RERE: variants seen among roughly 807,000 people sequenced by gnomAD.
The protein encoded by RERE is arginine-glutamic acid dipeptide repeats.
A neutral mutation model predicts 146.1 loss-of-function variants in RERE; 40 were observed. That is an observed-to-expected ratio of 0.27 (90% CI 0.21 to 0.36). RERE has a LOEUF of 0.36. Among genes scored for constraint, RERE ranks in the 10% least tolerant of loss-of-function variants. The pLI is 1.00. For synonymous variants in RERE, 1,003 were observed against 866.0 expected (o/e 1.16, Z -2.78); for missense variants, 1,933 against 2,138.7 (o/e 0.90, Z 1.90).
At chr1:8,394,435 A>G (rs998694630) in intron 12 of RERE, among the ~76,000 whole-genome samples, 2 of 152,214 alleles carry the variant, frequency 1.3e-5, no homozygotes, top group Admixed American at 6.5e-5. Flanking sequence ...ATTAATTCTC[A>G]CTACTGTCCT....
intron 1 of RERE, among the ~76,000 whole-genome samples, chr1:8,663,901 T>C (rs1325898737): frequency 6.6e-6 from 1 of 152,096 alleles, no homozygotes; most frequent in African/African-American, 2.4e-5. Flanking sequence ...TTTGTCTGTG[T>C]ACCTTCTACT....
At chr1:8,800,585 A>G (rs1641568938) in intron 1 of RERE, among the ~76,000 whole-genome samples, 1 of 152,124 alleles carries the variant, frequency 6.6e-6, no homozygotes, top group African/African-American at 2.4e-5. Context: ...CAGGAGGATC[A>G]CTTGAGCCCA....
intron 6 of RERE, among the ~76,000 whole-genome samples, chr1:8,555,468 T>C (rs1313135666): frequency 2.0e-5 from 3 of 152,204 alleles, no homozygotes; most frequent in African/African-American, 4.8e-5. Context: ...TTTAGCTATG[T>C]AGCTTTGCAA....
At chr1:8,529,540 TC>T (rs1645615388) in intron 7 of RERE, among the ~76,000 whole-genome samples, 1 of 151,494 alleles carries the variant, frequency 6.6e-6, no homozygotes, top group African/African-American at 2.4e-5. Context: ...GACCTCGTGA[TC>T]CTCCCGCCTC....
chr1:8,358,933 A>G lies in RERE; in HGVS notation c.3619-17T>C. ...GGACGCCTTCTGCAGAAGGAAAAGA[A>G]AGCGTGAGGGGTCCCCCGAGCGCCT... On this transcript the variant is annotated splice_polypyrimidine_tract_variant and intron_variant, in intron 19 of 22. Transcript: ENST00000400908. 1 of 1,508,320 alleles carries G rather than the reference A, an allele frequency of 6.6e-7. No individual in the cohort carries two copies. The highest frequency in any genetic ancestry group is 8.8e-7 in the Non-Finnish European group (1 of 1,133,652). 93.4% of individuals were successfully genotyped at this position (1,508,320 alleles called of 1,614,324 possible).
intron 1 of RERE, among the ~76,000 whole-genome samples, chr1:8,724,272 G>T (rs1314715762): frequency 1.3e-5 from 2 of 151,916 alleles, no homozygotes; most frequent in Admixed American, 1.3e-4. Context: ...TGGCTCAGGG[G>T]TTGGCAAAAA....
intron 12 of RERE, among the ~76,000 whole-genome samples, chr1:8,382,898 C>T (rs576220148): frequency 9.2e-5 from 14 of 151,890 alleles, no homozygotes; most frequent in Non-Finnish European, 1.0e-4. Context: ...AAGGAGCCGG[C>T]ACACATGCTC....
At chr1:8,676,868 T>C (rs1298401969) in intron 1 of RERE, among the ~76,000 whole-genome samples, 1 of 152,220 alleles carries the variant, frequency 6.6e-6, no homozygotes, top group Non-Finnish European at 1.5e-5. Context: ...TCCTGCTCTC[T>C]GCAAATGCCA....
intron 11 of RERE, among the ~76,000 whole-genome samples, chr1:8,456,271 T>A (rs1644452226): frequency 6.6e-6 from 1 of 152,196 alleles, no homozygotes; most frequent in South Asian, 2.1e-4. Flanking sequence ...CTTCCTGAAT[T>A]AAAATTTGTC....
chr1:8,389,305 G>C (rs1479999300), intron 12 of RERE, among the ~76,000 whole-genome samples: 1 of 152,172 alleles, frequency 6.6e-6, no homozygotes, highest in Non-Finnish European at 1.5e-5. Flanking sequence ...TCATGTCTGT[G>C]TAAAACCTGA....
intron 8 of RERE, among the ~76,000 whole-genome samples, chr1:8,504,580 G>C (rs190139048): frequency 3.6e-4 from 55 of 152,268 alleles, no homozygotes; most frequent in African/African-American, 1.3e-3. Context: ...GTGGCCAGGC[G>C]CGGTGGCTCA....
intron 6 of RERE, 104 bp downstream of exon 6, chr1:8,556,371 T>G: frequency 1.5e-6 from 1 of 666,618 alleles, no homozygotes; most frequent in Non-Finnish European, 2.7e-6. Context: ...AAAAGAGGAG[T>G]CTGATTAATA....
chr1:8,765,679 C>T (rs1273734516), intron 1 of RERE, among the ~76,000 whole-genome samples: 1 of 152,068 alleles, frequency 6.6e-6, no homozygotes. Context: ...TTATGCCAGG[C>T]GAGGTAGCTC....
intron 12 of RERE, among the ~76,000 whole-genome samples, chr1:8,387,252 G>A (rs1408652078): frequency 6.6e-6 from 1 of 152,114 alleles, no homozygotes; most frequent in Admixed American, 6.5e-5. Context: ...GATGACACTG[G>A]GACACCTGGT....
At chr1:8,800,136 G>A (rs1641559037) in intron 1 of RERE, among the ~76,000 whole-genome samples, 1 of 151,898 alleles carries the variant, frequency 6.6e-6, no homozygotes, top group African/African-American at 2.4e-5. Context: ...TTTTATGTGT[G>A]GCCCAAGATA....
intron 4 of RERE, among the ~76,000 whole-genome samples, chr1:8,571,457 C>G (rs984770189): frequency 5.9e-5 from 9 of 152,170 alleles, no homozygotes; most frequent in African/African-American, 2.2e-4. Context: ...TTAGAAATTA[C>G]TGACTCAAAA....
intron 11 of RERE, among the ~76,000 whole-genome samples, chr1:8,457,652 G>T (rs1381645952): frequency 2.6e-5 from 4 of 151,918 alleles, no homozygotes; most frequent in Non-Finnish European, 4.4e-5. Flanking sequence ...ACCCAGACTG[G>T]AGTGCAGTGG....
At chr1:8,589,541 T>C (rs552613552) in intron 4 of RERE, among the ~76,000 whole-genome samples, 135 of 152,384 alleles carry the variant, frequency 8.9e-4, no homozygotes, top group African/African-American at 3.1e-3. Flanking sequence ...TTATTTTTTA[T>C]GCATTCATTT....
At chr1:8,403,934 G>A (rs1260113577) in intron 12 of RERE, among the ~76,000 whole-genome samples, 2 of 139,772 alleles carry the variant, frequency 1.4e-5, no homozygotes, top group East Asian at 5.0e-4. Flanking sequence ...GGGTTTAAGT[G>A]ATTCTCCTGC....
Sources: allele counts gnomAD v4.1 joint callset (sites outside exome capture counted in the v4.1 genomes callset), GRCh38; gene constraint gnomAD v4.1.1; transcripts MANE v1.5; gene names NCBI Gene and HGNC (gene_info 2026-07-23, HGNC 2026-07-21).